Variants in ROR1 observed in about 807,000 individuals in gnomAD.
The protein encoded by ROR1 is inactive tyrosine-protein kinase transmembrane receptor ROR1.
Under a neutral mutation model 78.8 loss-of-function variants are expected in ROR1, and 19 were observed. The observed-to-expected ratio is 0.24, with a 90% confidence interval of 0.17 to 0.35. The LOEUF (loss-of-function observed/expected upper bound fraction) is 0.35, where lower values mean the gene tolerates loss of function less well. Among genes scored for constraint, ROR1 ranks in the 10% least tolerant of loss-of-function variants. The probability of loss-of-function intolerance (pLI) is 1.00; values close to 1 mark genes in which losing one functional copy is unlikely to be tolerated. For missense variants in ROR1, 917 were observed against 1,177.8 expected, an observed-to-expected ratio of 0.78 and a Z score of 3.24; for synonymous variants, 386 against 433.6, an observed-to-expected ratio of 0.89 and a Z score of 1.36.
intron 4 of ROR1, among the ~76,000 whole-genome samples, chr1:64,117,772 T>G (rs1323672639): frequency 1.8e-4 from 27 of 152,224 alleles, no homozygotes; most frequent in Admixed American, 1.7e-3. Flanking sequence ...AGCCTTGTCC[T>G]CTTTCCACAA....
chr1:64,049,537 TAATC>T (rs1266129473), intron 2 of ROR1, among the ~76,000 whole-genome samples, 150 bp from the exon 3 acceptor site: 1 of 152,162 alleles, frequency 6.6e-6, no homozygotes, highest in Non-Finnish European at 1.5e-5. Flanking sequence ...CCTCTGGTCT[TAATC>T]AATGTGATTG....
chr1:63,858,067 G>A (rs1438089981), intron 1 of ROR1, among the ~76,000 whole-genome samples: 2 of 152,184 alleles, frequency 1.3e-5, no homozygotes, highest in Non-Finnish European at 2.9e-5. Flanking sequence ...TGAAAAGATA[G>A]CCATCAGCCT....
intron 1 of ROR1, among the ~76,000 whole-genome samples, chr1:63,886,216 A>G (rs1645356336): frequency 6.6e-6 from 1 of 152,108 alleles, no homozygotes; most frequent in Non-Finnish European, 1.5e-5. Flanking sequence ...ATAAATACAG[A>G]TGAAGCTTTG....
chr1:64,034,158 A>G lies in ROR1; in HGVS notation c.164-15533A>G, dbSNP rs373181898. Reference sequence around the variant, plus strand: ...TGAAAATGGAAGAAATACAGCTTTCATGTTCATGCACAATTTGCTTTTTCA... The same window carrying G: ...TGAAAATGGAAGAAATACAGCTTTCGTGTTCATGCACAATTTGCTTTTTCA... On this transcript the variant is annotated intron_variant, in intron 2 of 8. Coordinates refer to ENST00000371079, the MANE Select transcript of ROR1 (RefSeq NM_005012.4). Among the ~76,000 whole-genome samples, 24 of 150,892 alleles carry G rather than the reference A, an allele frequency of 1.6e-4. 1 individual carries two copies. The highest frequency in any genetic ancestry group is 4.6e-4 in the African/African-American group (19 of 41,246).
At chr1:64,002,046 G>T (rs1405873991) in intron 1 of ROR1, among the ~76,000 whole-genome samples, 1 of 151,740 alleles carries the variant, frequency 6.6e-6, no homozygotes, top group Admixed American at 6.6e-5. Context: ...ACCCCATCAC[G>T]CTGTTTATAA....
intron 1 of ROR1, among the ~76,000 whole-genome samples, chr1:63,991,555 A>G (rs1158034096): frequency 6.6e-6 from 1 of 152,144 alleles, no homozygotes; most frequent in African/African-American, 2.4e-5. Flanking sequence ...TGGCGTAGAA[A>G]AATAACCAAT....
At chr1:64,164,595 CT>C (rs1232099699) in intron 8 of ROR1, among the ~76,000 whole-genome samples, 4 of 151,884 alleles carry the variant, frequency 2.6e-5, no homozygotes, top group East Asian at 1.9e-4. Context: ...GAGTACAGAT[CT>C]TTTTTTTAAC....
intron 4 of ROR1, among the ~76,000 whole-genome samples, chr1:64,129,325 A>G (rs1648831065): frequency 6.6e-6 from 1 of 152,236 alleles, no homozygotes; most frequent in South Asian, 2.1e-4. Flanking sequence ...GCATAAAAGG[A>G]AAGAAAAAAA....
intron 4 of ROR1, among the ~76,000 whole-genome samples, chr1:64,086,445 C>T (rs986986341): frequency 1.3e-5 from 2 of 152,184 alleles, no homozygotes; most frequent in African/African-American, 4.8e-5. Flanking sequence ...GAGGATAGAG[C>T]CCTGGACACA....
chr1:64,137,329 T>TGTG (rs775100053), intron 4 of ROR1, 40 bp from the exon 5 acceptor site: 1 of 1,611,924 alleles, frequency 6.2e-7, no homozygotes, highest in South Asian at 1.1e-5. Flanking sequence ...CCTGTATGTA[T>TGTG]GTGGTGCATC....
chr1:64,148,805 A>G (rs2224876), intron 7 of ROR1, among the ~76,000 whole-genome samples: 37,003 of 151,862 alleles, frequency 0.24, 5,113 homozygotes, highest in East Asian at 0.51. Flanking sequence ...AAAAAAAGAC[A>G]AAAGTTGGTT....
intron 1 of ROR1, among the ~76,000 whole-genome samples, chr1:63,853,217 C>T (rs1263582522): frequency 1.3e-5 from 2 of 152,218 alleles, no homozygotes; most frequent in East Asian, 1.9e-4. Flanking sequence ...GTTTTTTGAA[C>T]TCCTGTGGTA....
chr1:63,910,224 T>C (rs1645560194), intron 1 of ROR1, among the ~76,000 whole-genome samples: 1 of 152,170 alleles, frequency 6.6e-6, no homozygotes, highest in East Asian at 1.9e-4. Flanking sequence ...TTCAGCTAGC[T>C]AAGTCAATTA....
intron 1 of ROR1, among the ~76,000 whole-genome samples, chr1:63,996,468 A>G (rs1383530507): frequency 6.6e-6 from 1 of 151,954 alleles, no homozygotes; most frequent in African/African-American, 2.4e-5. Flanking sequence ...AAGTATTTGA[A>G]CATTGCCAGC....
chr1:64,140,319 T>C lies in ROR1; in HGVS notation c.821T>C (p.Leu274Pro). The C allele has an allele frequency of 1.9e-6, 3 of 1,614,156 alleles. No individual in the cohort carries two copies. Among genetic ancestry groups the C allele is most frequent in the Non-Finnish European group, 2.5e-6 (3 of 1,180,022 alleles). The change falls in exon 6 of 9, where the codon CTG becomes CCG. Residue 274 changes from leucine (L) to proline (P), a missense_variant. Physicochemically the swap from Leu to Pro is moderately conservative, Grantham distance 98 (BLOSUM62 -3). This residue lies in a region of ROR1 where 835 missense variants were observed against 1,069.8 expected (regional missense o/e 0.78). Coordinates refer to ENST00000371079, the MANE Select transcript of ROR1 (RefSeq NM_005012.4). The part of the protein sequence containing the change: ...YIFARSNPMI[L>P]MRLKLPNCED... ...TTTGCAAGATCAAATCCCATGATTCTGATGAGGCTGAAACTGCCAAACTGT... is the reference window on the plus strand; with the variant it reads ...TTTGCAAGATCAAATCCCATGATTCCGATGAGGCTGAAACTGCCAAACTGT...
At chr1:64,125,074 T>G (rs1648664761) in intron 4 of ROR1, among the ~76,000 whole-genome samples, 2 of 152,146 alleles carry the variant, frequency 1.3e-5, no homozygotes, top group Non-Finnish European at 2.9e-5. Context: ...GGAAAGCATT[T>G]AAGATGAATA....
At chr1:64,176,983 A>G (rs141601540) in intron 8 of ROR1, among the ~76,000 whole-genome samples, 51 of 152,358 alleles carry the variant, frequency 3.3e-4, no homozygotes, top group African/African-American at 1.2e-3. Flanking sequence ...TTAGGACCAG[A>G]TTACAAATGC....
At chr1:64,023,183 A>G (rs939671766) in intron 2 of ROR1, among the ~76,000 whole-genome samples, 4 of 152,158 alleles carry the variant, frequency 2.6e-5, no homozygotes, top group African/African-American at 9.7e-5. Context: ...CTGCCCTTGC[A>G]GTGGTGCTGA....
intron 4 of ROR1, among the ~76,000 whole-genome samples, chr1:64,075,668 C>T (rs1043782815): frequency 1.3e-5 from 2 of 152,146 alleles, no homozygotes; most frequent in African/African-American, 4.8e-5. Flanking sequence ...ACAAGATCTC[C>T]CTGTCCCTCA....
Sources: gnomAD v4.1 joint callset for allele counts (sites outside exome capture counted in the v4.1 genomes callset) on GRCh38, gnomAD v4.1.1 for gene constraint, gnomAD v4.1.1 regional missense constraint, MANE v1.5 for transcripts, NCBI Gene and HGNC (gene_info 2026-07-23, HGNC 2026-07-21) for gene names.